The following ADAM19 variants were observed in gnomAD, a reference collection of about 807,000 sequenced individuals.
The protein encoded by ADAM19 is disintegrin and metalloproteinase domain-containing protein 19.
A neutral mutation model predicts 114.7 loss-of-function variants in ADAM19; 65 were observed. The observed-to-expected ratio is 0.57, with a 90% CI of 0.46 to 0.70. The LOEUF (loss-of-function observed/expected upper bound fraction) is 0.70. Ranked by LOEUF, ADAM19 falls within the 30% of genes least tolerant of loss-of-function variation. The pLI, the probability that ADAM19 is intolerant of heterozygous loss-of-function variation, is 0.00. For missense variants in ADAM19, 1,063 were observed against 1,204.7 expected, an observed-to-expected ratio of 0.88 and a Z score of 1.74; for synonymous variants, 466 against 460.5, an observed-to-expected ratio of 1.01 and a Z score of -0.15.
chr5:157,498,690 A>ATG (rs772640768), intron 13 of ADAM19, among the ~76,000 whole-genome samples: 2,501 of 101,712 alleles, frequency 0.025, 62 homozygotes, highest in African/African-American at 0.083. Flanking sequence ...GTGTGTATGT[A>ATG]TATATATATA....
In ADAM19 at chr5:157,477,541, G is replaced by C; in HGVS notation, c.*3408C>G. 8.4e-7 allele frequency: 1 copy of C among 1,184,446 alleles called. No individual in the cohort carries two copies. Among genetic ancestry groups the C allele is most frequent in the East Asian group, 5.9e-5 (1 of 16,850 alleles). 73.4% of individuals were successfully genotyped at this position (1,184,446 alleles called of 1,614,324 possible). On this transcript the variant is annotated 3_prime_UTR_variant, in exon 23 of 23. Transcript: ENST00000257527. ...GTGGACGGTGTGAGAGGACGCGTTG[G>C]GGGTGACTTTGGAAATGTGGGCTTG... is the stretch of plus-strand genomic sequence containing the variant.
intron 4 of ADAM19, among the ~76,000 whole-genome samples, chr5:157,535,893 T>C (rs2113761354): frequency 6.6e-6 from 1 of 152,350 alleles, no homozygotes; most frequent in Non-Finnish European, 1.5e-5. Flanking sequence ...TGAAGGAGGC[T>C]GTCATGGCTA....
At chr5:157,486,362 G>A (rs952772452) in intron 21 of ADAM19, among the ~76,000 whole-genome samples, 4 of 152,130 alleles carry the variant, frequency 2.6e-5, no homozygotes, top group East Asian at 1.9e-4. Flanking sequence ...CCCACTGTTC[G>A]CTTGTAGAGA....
chr5:157,559,488 G>A (rs1757456194), intron 3 of ADAM19, among the ~76,000 whole-genome samples: 1 of 152,202 alleles, frequency 6.6e-6, no homozygotes, highest in African/African-American at 2.4e-5. Context: ...TGAGCATCCA[G>A]GAATCTGGTT....
At chr5:157,569,816 C>T (rs1757773345) in intron 2 of ADAM19, among the ~76,000 whole-genome samples, 1 of 152,166 alleles carries the variant, frequency 6.6e-6, no homozygotes, top group African/African-American at 2.4e-5. Flanking sequence ...ACCCCTCTCC[C>T]CAGCTTTCTT....
At chr5:157,554,274 A>G (rs1331240993) in intron 3 of ADAM19, among the ~76,000 whole-genome samples, 1 of 152,234 alleles carries the variant, frequency 6.6e-6, no homozygotes, top group Non-Finnish European at 1.5e-5. Context: ...TAAGGCCAAC[A>G]GGGCAGTTGA....
At chr5:157,561,328 G>A (rs1012742075) in intron 3 of ADAM19, among the ~76,000 whole-genome samples, 1 of 152,146 alleles carries the variant, frequency 6.6e-6, no homozygotes, top group African/African-American at 2.4e-5. Flanking sequence ...CATTCTTGGC[G>A]ATCTCTCCAT....
intron 18 of ADAM19, 62 bp downstream of exon 18, chr5:157,491,553 C>T: frequency 8.3e-7 from 1 of 1,201,592 alleles, no homozygotes; most frequent in Non-Finnish European, 1.1e-6. Flanking sequence ...AACATGCCAC[C>T]TGCCCCTGAT....
At chr5:157,509,020 A>C (rs1036224795) in intron 9 of ADAM19, among the ~76,000 whole-genome samples, 2 of 152,260 alleles carry the variant, frequency 1.3e-5, no homozygotes, top group Admixed American at 6.5e-5. Context: ...TCCCAAATAC[A>C]TACACAATTA....
chr5:157,481,360 A>G (rs935168979), intron 22 of ADAM19: 27 of 582,056 alleles, frequency 4.6e-5, no homozygotes, highest in African/African-American at 2.8e-4. Flanking sequence ...TGAGACTGTC[A>G]GCCACACAGA....
rs181690717 is a variant in ADAM19 at position 157,521,169 on chromosome 5, G to A, written c.408-1138C>T. On this transcript the variant is annotated intron_variant, in intron 5 of 22. Transcript: ENST00000257527. ...CTTTTCTAGCCTCAGCAAGAAAGAG[G>A]ACCATGACTTATTATCAATTGCTAT... Among the ~76,000 whole-genome samples the A allele has an allele frequency of 7.2e-5, 11 of 152,286 alleles. No individual in the cohort carries two copies. The East Asian group carries it at 2.1e-3, about 29-fold the overall frequency.
chr5:157,548,750 G>A (rs988963136), intron 3 of ADAM19, among the ~76,000 whole-genome samples: 3 of 152,276 alleles, frequency 2.0e-5, no homozygotes, highest in Middle Eastern at 3.4e-3. Context: ...CTGTCCAGGG[G>A]CCACATTGTC....
chr5:157,519,994 T>C lies in ADAM19; in HGVS notation c.445A>G (p.Ile149Val). The change falls in exon 6 of 23, where the codon ATC becomes GTC. Residue 149 changes from isoleucine (I) to valine (V), a missense_variant. Transcript: ENST00000257527. ...CCCTTGCTGTCAGGGAGGGGCTCGA[T>C]GACGTAGCTGAGGTTGCTGCTCACC... ...ITVSSNLSYV[I>V]EPLPDSKGQH... 1 of 1,614,166 alleles carries C rather than the reference T, an allele frequency of 6.2e-7. No individual in the cohort carries two copies. Among genetic ancestry groups the C allele is most frequent in the Non-Finnish European group, 8.5e-7 (1 of 1,180,012 alleles).
chr5:157,524,582 C>A (rs1756400320), intron 5 of ADAM19, among the ~76,000 whole-genome samples: 1 of 152,184 alleles, frequency 6.6e-6, no homozygotes, highest in Non-Finnish European at 1.5e-5. Context: ...AAAGTAACTA[C>A]CCTGCTACCC....
At chr5:157,529,781 C>A (rs1397362890) in intron 5 of ADAM19, among the ~76,000 whole-genome samples, 1 of 152,122 alleles carries the variant, frequency 6.6e-6, no homozygotes, top group East Asian at 1.9e-4. Context: ...CCACTGGGAC[C>A]CAAGGTCACC....
intron 3 of ADAM19, among the ~76,000 whole-genome samples, chr5:157,541,843 C>T (rs1181883923): frequency 1.3e-5 from 2 of 152,198 alleles, no homozygotes; most frequent in African/African-American, 4.8e-5. Context: ...TGCAAAACAT[C>T]TTCTGGGAGC....
chr5:157,504,525 ACAGTCGTGAGC>A (rs985418152), intron 11 of ADAM19, among the ~76,000 whole-genome samples: 2 of 152,194 alleles, frequency 1.3e-5, no homozygotes, highest in African/African-American at 4.8e-5. Flanking sequence ...TGCTGGAATT[ACAGTCGTGAGC>A]CACCGCACCC....
At chr5:157,536,461 C>G (rs1561547563) in intron 4 of ADAM19, among the ~76,000 whole-genome samples, 1 of 152,186 alleles carries the variant, frequency 6.6e-6, no homozygotes, top group Non-Finnish European at 1.5e-5. Flanking sequence ...AACCCTGTCT[C>G]TACTAAAAAT....
intron 9 of ADAM19, 119 bp downstream of exon 9, chr5:157,509,182 G>T: frequency 9.9e-7 from 1 of 1,009,198 alleles, no homozygotes; most frequent in South Asian, 2.2e-5. Flanking sequence ...CTCTGGACCA[G>T]GGAGTCAGAA....
Sources: allele counts gnomAD v4.1 joint callset (sites outside exome capture counted in the v4.1 genomes callset), GRCh38; gene constraint gnomAD v4.1.1; transcripts MANE v1.5; gene names NCBI Gene and HGNC (gene_info 2026-07-23, HGNC 2026-07-21).